The following GLT6D1 variants were observed in gnomAD, a reference collection of about 807,000 sequenced individuals.
The protein encoded by GLT6D1 is putative glycosyltransferase 6 domain-containing protein 1.
GLT6D1 carries 9 observed loss-of-function variants against 12.3 expected under a neutral mutation model. The observed-to-expected ratio is 0.73, with a 90% CI of 0.44 to 1.27. GLT6D1 has a LOEUF of 1.27. GLT6D1 is among the 50% of genes most tolerant of loss of function. The probability of loss-of-function intolerance (pLI) is 0.00; values close to 1 mark genes in which losing one functional copy is unlikely to be tolerated. For missense variants in GLT6D1, 335 were observed against 346.2 expected (o/e 0.97, Z 0.26); for synonymous variants, 128 against 132.3 (o/e 0.97, Z 0.23).
At chr9:135,636,565 T>C (rs1452245217) in intron 2 of GLT6D1, among the ~76,000 whole-genome samples, 2 of 152,222 alleles carry the variant, frequency 1.3e-5, no homozygotes, top group Non-Finnish European at 2.9e-5. Flanking sequence ...TGTAACGTCC[T>C]GTGGGTTTTT....
At chr9:135,637,120 G>A (rs1033591378) in intron 2 of GLT6D1, among the ~76,000 whole-genome samples, 1 of 151,838 alleles carries the variant, frequency 6.6e-6, no homozygotes, top group African/African-American at 2.4e-5. Flanking sequence ...CCAAAGTGCT[G>A]GGATTACAGG....
At chr9:135,630,108 T>C (rs1833605264) in intron 3 of GLT6D1, among the ~76,000 whole-genome samples, 1 of 152,186 alleles carries the variant, frequency 6.6e-6, no homozygotes, top group South Asian at 2.1e-4. Context: ...TTATTTTCTA[T>C]ATGTCATGTA....
upstream of GLT6D1, among the ~76,000 whole-genome samples, chr9:135,641,178 G>A (rs1461162035): frequency 1.3e-5 from 2 of 151,932 alleles, no homozygotes; most frequent in Non-Finnish European, 2.9e-5. Flanking sequence ...ATATCTTTTG[G>A]TCTGTGTCGT....
intron 2 of GLT6D1, among the ~76,000 whole-genome samples, chr9:135,634,971 AC>A (rs1022311546): frequency 2.4e-4 from 36 of 152,242 alleles, no homozygotes; most frequent in African/African-American, 7.9e-4. Flanking sequence ...CGCAACCCAA[AC>A]TTCAGGACTG....
intron 2 of GLT6D1, among the ~76,000 whole-genome samples, chr9:135,638,368 C>T (rs186214798): frequency 5.9e-5 from 9 of 152,258 alleles, no homozygotes; most frequent in Admixed American, 2.0e-4. Context: ...TTTACAGATG[C>T]GTCCTCTAGT....
chr9:135,640,520 A>C (rs770280289), upstream of GLT6D1, among the ~76,000 whole-genome samples: 64 of 152,046 alleles, frequency 4.2e-4, 1 homozygote, highest in Admixed American at 5.2e-4. Context: ...GGAGTTCAAG[A>C]CCAGCAGGAC....
intron 3 of GLT6D1, among the ~76,000 whole-genome samples, chr9:135,627,432 A>G (rs1833548023): frequency 6.6e-6 from 1 of 152,036 alleles, no homozygotes. Context: ...AAAAGCAGTC[A>G]CTCCCCATTC....
At chr9:135,625,413 C>G (rs1310105200) in intron 4 of GLT6D1, among the ~76,000 whole-genome samples, 1 of 152,150 alleles carries the variant, frequency 6.6e-6, no homozygotes, top group Non-Finnish European at 1.5e-5. Context: ...TAAATCGGCT[C>G]AGGTCAGCAA....
chr9:135,624,975 C>T (rs1236873414), intron 4 of GLT6D1, among the ~76,000 whole-genome samples: 1 of 151,238 alleles, frequency 6.6e-6, no homozygotes, highest in East Asian at 1.9e-4. Context: ...AACTCCTGAC[C>T]TCAGGTGATC....
intron 2 of GLT6D1, among the ~76,000 whole-genome samples, chr9:135,634,453 TTTTTTTTTTTTG>T (rs1230359496): frequency 7.0e-6 from 1 of 143,278 alleles, no homozygotes; most frequent in Non-Finnish European, 1.5e-5. Flanking sequence ...TTTTTTTTTT[TTTTTTTTTTTTG>T]GCATGATTTA....
In GLT6D1 at chr9:135,624,597, A is replaced by G. The variant is rs1396642567; in HGVS notation, c.331T>C (p.Phe111Leu). Residue 111 changes from phenylalanine to leucine, a missense_variant, in exon 5 of 5, where the codon TTC becomes CTC. Phe to Leu is a conservative substitution (Grantham distance 22, BLOSUM62 0). Coordinates refer to ENST00000371763, the MANE Select transcript of GLT6D1 (RefSeq NM_182974.3). ...KHFMTGYRVI[F>L]YIMVDAFFKL... ...AAGAAGGCGTCCACCATGATGTAGA[A>G]GATCACTCGGTAGCCTGTCATGAAG... 3.1e-6 allele frequency: 5 copies of G among 1,613,550 alleles called. No individual in the cohort carries two copies. The highest frequency in any genetic ancestry group is 3.3e-5 in the Admixed American group (2 of 60,006).
intron 2 of GLT6D1, among the ~76,000 whole-genome samples, chr9:135,632,479 C>T (rs1416537161): frequency 6.6e-6 from 1 of 152,130 alleles, no homozygotes; most frequent in African/African-American, 2.4e-5. Context: ...TCATCAAAAT[C>T]CAAACTGTCC....
rs1833435958 is a variant in GLT6D1 at position 135,624,391 on chromosome 9, C to T, written c.537G>A (p.Gln179=). Residue 179 remains glutamine, a synonymous_variant, in exon 5 of 5, where the codon CAG becomes CAA. Coordinates refer to ENST00000371763, the MANE Select transcript of GLT6D1 (RefSeq NM_182974.3). ...LFSMAANQVF[Q]NEFGVETLGP... Reference sequence around the variant, plus strand: ...CCAGGGTCTCCACCCCGAACTCATTCTGGAAGACCTGGTTGGCAGCCATGC... The same window carrying T: ...CCAGGGTCTCCACCCCGAACTCATTTTGGAAGACCTGGTTGGCAGCCATGC... The T allele has an allele frequency of 6.2e-7, 1 of 1,614,202 alleles. No homozygotes were observed. The highest frequency in any genetic ancestry group is 8.5e-7 in the Non-Finnish European group (1 of 1,180,044).
At chr9:135,631,399 G>A (rs781669859) in intron 3 of GLT6D1, 32 bp downstream of exon 3, 17 of 1,534,152 alleles carry the variant, frequency 1.1e-5, no homozygotes, top group Non-Finnish European at 1.5e-5. Flanking sequence ...TATTGTTTGT[G>A]TGTGCATGTA....
rs369810309 is a variant in GLT6D1, at chr9:135,632,816, C to T, written c.72-1338G>A. On this transcript the variant is annotated intron_variant, in intron 2 of 4. Transcript: ENST00000371763. ...CCCAGTAGCTGGGATTACAGGCACA[C>T]GCCACCACACCCAGCTATTTTTTGT... Among the ~76,000 whole-genome samples the T allele has an allele frequency of 1.5e-4, 23 of 152,030 alleles. 1 individual carries two copies. In the South Asian group the frequency reaches 4.8e-3, roughly 32 times the overall value.
chr9:135,638,090 G>C (rs1180738476), intron 2 of GLT6D1, among the ~76,000 whole-genome samples: 1 of 152,192 alleles, frequency 6.6e-6, no homozygotes, highest in African/African-American at 2.4e-5. Flanking sequence ...CCACATGGCT[G>C]GGGAGGCCTC....
upstream of GLT6D1, among the ~76,000 whole-genome samples, chr9:135,639,972 C>T (rs1252620851): frequency 6.6e-6 from 1 of 151,894 alleles, no homozygotes; most frequent in South Asian, 2.1e-4. Context: ...GCCACCACAT[C>T]CAGCTAATTT....
chr9:135,639,841 A>AT (rs1833855766), upstream of GLT6D1, among the ~76,000 whole-genome samples: 3 of 122,830 alleles, frequency 2.4e-5, no homozygotes, highest in Non-Finnish European at 5.2e-5. Context: ...TCTGATTTTC[A>AT]CTTTTTTTTT....
upstream of GLT6D1, among the ~76,000 whole-genome samples, chr9:135,639,740 T>C (rs1279128764): frequency 6.6e-6 from 1 of 152,158 alleles, no homozygotes; most frequent in Non-Finnish European, 1.5e-5. Flanking sequence ...CCTGAGCTTG[T>C]GTTGGAGGCT....
Sources: gnomAD v4.1 joint callset for allele counts (sites outside exome capture counted in the v4.1 genomes callset) on GRCh38, gnomAD v4.1.1 for gene constraint, MANE v1.5 for transcripts, NCBI Gene and HGNC (gene_info 2026-07-23, HGNC 2026-07-21) for gene names.